DLG2: variants seen among roughly 807,000 people sequenced by gnomAD.
DLG2 encodes the protein discs large MAGUK scaffold protein 2.
In DLG2, 45 loss-of-function variants were observed where a neutral mutation model predicts 132.5. The observed-to-expected ratio is 0.34, with a 90% CI of 0.27 to 0.44. The LOEUF is 0.44. DLG2 is among the 20% of genes least tolerant of loss of function. DLG2 has a pLI of 1.00. For missense variants in DLG2, 1,045 were observed against 1,196.9 expected (o/e 0.87, Z 1.87); for synonymous variants, 424 against 419.6 (o/e 1.01, Z -0.13).
At chr11:84,610,138 T>C (rs1012455281) in intron 6 of DLG2, among the ~76,000 whole-genome samples, 10 of 152,090 alleles carry the variant, frequency 6.6e-5, no homozygotes, top group African/African-American at 2.4e-4. Context: ...ATACATAAAA[T>C]GAGATATGTG....
chr11:84,517,282 G>C (rs1304999869), intron 7 of DLG2, among the ~76,000 whole-genome samples: 1 of 151,436 alleles, frequency 6.6e-6, no homozygotes, highest in African/African-American at 2.4e-5. Flanking sequence ...AAATATATAA[G>C]AAACTCAAAT....
chr11:84,094,077 C>A (rs539507202), intron 10 of DLG2, among the ~76,000 whole-genome samples: 162 of 151,874 alleles, frequency 1.1e-3, no homozygotes, highest in Non-Finnish European at 1.9e-3. Context: ...GTCTTTTAAG[C>A]GTCGTTGTTG....
intron 6 of DLG2, among the ~76,000 whole-genome samples, chr11:84,546,002 C>T (rs573880645): frequency 3.9e-5 from 6 of 152,186 alleles, no homozygotes; most frequent in South Asian, 2.1e-4. Flanking sequence ...GTGATCCATC[C>T]GCCTCGGCCT....
At chr11:84,874,801 AC>A (rs2086069421) in intron 6 of DLG2, among the ~76,000 whole-genome samples, 1 of 152,034 alleles carries the variant, frequency 6.6e-6, no homozygotes, top group Non-Finnish European at 1.5e-5. Context: ...CGAGCTGATT[AC>A]CTGAGGTCAG....
chr11:85,159,259 T>TACAGTGTATCCGGACTCATCC (rs2077845059), intron 4 of DLG2, among the ~76,000 whole-genome samples: 1 of 152,166 alleles, frequency 6.6e-6, no homozygotes, highest in Non-Finnish European at 1.5e-5. Context: ...GGATCTGACT[T>TACAGTGTATCCGGACTCATCC]ACAGTGTATC....
intron 8 of DLG2, among the ~76,000 whole-genome samples, chr11:84,223,154 T>C (rs1356589762): frequency 1.3e-5 from 2 of 152,166 alleles, no homozygotes; most frequent in African/African-American, 2.4e-5. Flanking sequence ...AGATGGGATG[T>C]CAACAGGATT....
intron 8 of DLG2, among the ~76,000 whole-genome samples, chr11:84,221,215 C>T (rs7933798): frequency 0.022 from 3,397 of 151,956 alleles, 126 homozygotes; most frequent in African/African-American, 0.076. Context: ...CCTGTAATCC[C>T]AGCACTTTGG....
chr11:84,875,193 A>T lies in DLG2; in HGVS notation c.357+236468T>A, dbSNP rs369548308. On this transcript the variant is annotated intron_variant, in intron 6 of 27. Coordinates refer to ENST00000376104, the MANE Select transcript of DLG2 (RefSeq NM_001142699.3). ...GGGGATTTTTCAATAAAAAATTATA[A>T]ACTTAGTTATGGATACATTGGTTTA... Among the ~76,000 whole-genome samples the T allele has an allele frequency of 2.6e-5, 4 of 152,142 alleles. No homozygotes were observed. In the East Asian group the frequency reaches 5.8e-4, roughly 22 times the overall value.
intron 14 of DLG2, 133 bp downstream of exon 14, chr11:83,962,752 G>T: frequency 8.6e-7 from 1 of 1,160,862 alleles, no homozygotes. Context: ...TGCACCTGAG[G>T]CAAAACTACA....
intron 3 of DLG2, among the ~76,000 whole-genome samples, chr11:85,501,074 T>C (rs747808163): frequency 7.9e-5 from 12 of 152,004 alleles, no homozygotes; most frequent in Non-Finnish European, 1.2e-4. Context: ...AACATATATA[T>C]AAACCAATGG....
At chr11:85,420,956 G>C (rs2090254024) in intron 3 of DLG2, among the ~76,000 whole-genome samples, 1 of 152,134 alleles carries the variant, frequency 6.6e-6, no homozygotes, top group South Asian at 2.1e-4. Flanking sequence ...GTTGTGTCTT[G>C]TTGGCATTCC....
At chr11:85,387,885 C>A (rs554784748) in intron 3 of DLG2, among the ~76,000 whole-genome samples, 1 of 152,168 alleles carries the variant, frequency 6.6e-6, no homozygotes, top group Non-Finnish European at 1.5e-5. Flanking sequence ...TGGAAACCCA[C>A]GTCATGAACT....
chr11:84,123,943 A>C (rs1173063118), intron 9 of DLG2, among the ~76,000 whole-genome samples: 1 of 152,234 alleles, frequency 6.6e-6, no homozygotes, highest in African/African-American at 2.4e-5. Flanking sequence ...AGAACTAAGC[A>C]AGAAATTGTC....
intron 7 of DLG2, among the ~76,000 whole-genome samples, chr11:84,525,266 C>T (rs1341598069): frequency 6.6e-6 from 1 of 152,154 alleles, no homozygotes; most frequent in East Asian, 1.9e-4. Flanking sequence ...CTGGGTATAA[C>T]ATAAATACTT....
chr11:85,162,063 C>A (rs193174699), intron 4 of DLG2, among the ~76,000 whole-genome samples: 2 of 152,276 alleles, frequency 1.3e-5, no homozygotes, highest in Admixed American at 1.3e-4. Context: ...CACAATGATT[C>A]CATTAACCTG....
At chr11:84,988,531 C>A (rs1824829491) in intron 6 of DLG2, among the ~76,000 whole-genome samples, 1 of 152,206 alleles carries the variant, frequency 6.6e-6, no homozygotes, top group East Asian at 1.9e-4. Flanking sequence ...TGATGGAATG[C>A]TACTCAGCCA....
chr11:84,506,811 G>A, intron 7 of DLG2, among the ~76,000 whole-genome samples: 1 of 152,168 alleles, frequency 6.6e-6, no homozygotes, highest in East Asian at 1.9e-4. Flanking sequence ...GTAAGAATTT[G>A]TTGGAACCTC....
intron 18 of DLG2, among the ~76,000 whole-genome samples, chr11:83,710,394 T>G (rs560689351): frequency 1.3e-5 from 2 of 152,276 alleles, no homozygotes; most frequent in South Asian, 4.1e-4. Flanking sequence ...ACTTCTGATC[T>G]CAAGTGATCC....
chr11:83,845,303 G>A (rs541049390), intron 16 of DLG2, among the ~76,000 whole-genome samples: 2 of 152,300 alleles, frequency 1.3e-5, no homozygotes, highest in Admixed American at 6.5e-5. Flanking sequence ...GGAAACTTGT[G>A]AAGAGAGGGG....
Sources: allele counts gnomAD v4.1 joint callset (sites outside exome capture counted in the v4.1 genomes callset), GRCh38; gene constraint gnomAD v4.1.1; transcripts MANE v1.5; gene names NCBI Gene and HGNC (gene_info 2026-07-23, HGNC 2026-07-21).